ATP6V1C1: variants seen among roughly 807,000 people sequenced by gnomAD.
ATP6V1C1 encodes V-type proton ATPase subunit C 1.
ATP6V1C1 carries 45 observed loss-of-function variants against 53.9 expected under a neutral mutation model. The observed-to-expected ratio is 0.83, with a 90% confidence interval of 0.66 to 1.07. The LOEUF is 1.07. Among genes scored for constraint, ATP6V1C1 ranks in the 50% least tolerant of loss-of-function variants. ATP6V1C1 has a pLI of 0.00. For missense variants in ATP6V1C1, 315 were observed against 440.3 expected (o/e 0.72, Z 2.55); for synonymous variants, 153 against 155.2 (o/e 0.99, Z 0.11).
chr8:103,059,896 ACCCACACACC>A (rs1398454186), intron 8 of ATP6V1C1, among the ~76,000 whole-genome samples: 8 of 8,900 alleles, frequency 9.0e-4, no homozygotes, highest in African/African-American at 3.3e-3. Context: ...ACACACACAC[ACCCACACACC>A]CACACACCCT....
At chr8:103,039,067 A>G (rs560401744) in intron 1 of ATP6V1C1, among the ~76,000 whole-genome samples, 144 of 152,132 alleles carry the variant, frequency 9.5e-4, no homozygotes, top group Non-Finnish European at 1.7e-3. Context: ...CTTTTTTAAA[A>G]TTTTTTTTCT....
chr8:103,029,377 C>G (rs987040633), intron 1 of ATP6V1C1, among the ~76,000 whole-genome samples: 1 of 151,664 alleles, frequency 6.6e-6, no homozygotes, highest in Non-Finnish European at 1.5e-5. Context: ...TCAAGCGATT[C>G]TCTTGCCTCA....
chr8:103,052,893 G>A lies in ATP6V1C1; in HGVS notation c.473+71G>A, dbSNP rs1054457041. 7 of 942,150 alleles carry A rather than the reference G, an allele frequency of 7.4e-6. No individual in the cohort carries two copies. In the African/African-American group the frequency reaches 1.0e-4, roughly 14 times the overall value. The allele number at this position is 942,150 out of a possible 1,614,324, so 58.4% of individuals were successfully genotyped here. A position where few individuals can be genotyped will look rare whatever the true frequency, so the allele number is the denominator to read the frequency against. ...ACTAGCATGCACCGAAGGAGATATT[G>A]TTGGGATTTAGTTAGTTTCAGTTTA... On this transcript the variant is annotated intron_variant, in intron 6 of 12. Transcript: ENST00000518738.
At chr8:103,066,575 T>A in intron 12 of ATP6V1C1, 128 bp downstream of exon 12, 1 of 1,038,690 alleles carries the variant, frequency 9.6e-7, no homozygotes, top group Non-Finnish European at 1.3e-6. Flanking sequence ...TTTGAGGTTC[T>A]CAATTTGTTA....
intron 11 of ATP6V1C1, 121 bp downstream of exon 11, chr8:103,064,932 C>T (rs537505886): frequency 2.6e-6 from 2 of 778,158 alleles, no homozygotes; most frequent in African/African-American, 3.5e-5. Context: ...AAGGGCCAAT[C>T]ATGAGACAGA....
Position 103,048,926 on chromosome 8 carries a change from AAGTT to A in ATP6V1C1, c.258_261del (p.Lys86AsnfsTer16), listed in dbSNP as rs767285380. The A allele has an allele frequency of 6.2e-7, 1 of 1,613,402 alleles. No homozygotes were observed. The highest frequency in any genetic ancestry group is 8.5e-7 in the Non-Finnish European group (1 of 1,179,662). ...GATGTATTGGAAGATAGCAAAGACA[AAGTT>A]CAAGAGAATCTGTTGGCTAATGGAG... On this transcript the variant is annotated frameshift_variant, in exon 4 of 13. Transcript: ENST00000518738. LOFTEE classifies it high-confidence loss of function.
At chr8:103,025,011 A>G (rs1437789088) in intron 1 of ATP6V1C1, among the ~76,000 whole-genome samples, 1 of 152,116 alleles carries the variant, frequency 6.6e-6, no homozygotes, top group African/African-American at 2.4e-5. Flanking sequence ...CATCGGGGAT[A>G]AAAGAGTATT....
intron 10 of ATP6V1C1, 139 bp downstream of exon 10, chr8:103,063,367 T>A: frequency 1.7e-6 from 1 of 589,532 alleles, no homozygotes; most frequent in Non-Finnish European, 2.9e-6. Flanking sequence ...AATTGAATAA[T>A]CAGAATGAAT....
At chr8:103,065,973 C>A (rs768491866) in intron 11 of ATP6V1C1, among the ~76,000 whole-genome samples, 1 of 151,700 alleles carries the variant, frequency 6.6e-6, no homozygotes, top group Non-Finnish European at 1.5e-5. Flanking sequence ...ACCCAGGAGG[C>A]GGAGATTGCA....
rs900410834 is a variant in ATP6V1C1, at chr8:103,068,819, C to A, written c.*72C>A. The A allele has an allele frequency of 1.5e-6, 2 of 1,355,154 alleles. No individual in the cohort carries two copies. The highest frequency in any genetic ancestry group is 2.6e-5 in the South Asian group (2 of 76,436). The allele number at this position is 1,355,154 out of a possible 1,614,324, so 83.9% of individuals were successfully genotyped here. A position where few individuals can be genotyped will look rare whatever the true frequency, so the allele number is the denominator to read the frequency against. ...TAACAGAAATAAGTTGCAGTATGGT[C>A]GTACTTTTAACTCTAGTATCCTTTG... On this transcript the variant is annotated 3_prime_UTR_variant, in exon 13 of 13. Transcript: ENST00000518738.
At chr8:103,043,195 C>T (rs1388702150) in intron 3 of ATP6V1C1, among the ~76,000 whole-genome samples, 1 of 152,122 alleles carries the variant, frequency 6.6e-6, no homozygotes, top group Non-Finnish European at 1.5e-5. Flanking sequence ...GTGGCTGTAC[C>T]GTGTAATATT....
chr8:103,068,510 AT>A (rs1379798061), intron 12 of ATP6V1C1, 141 bp from the exon 13 acceptor site: 3 of 510,134 alleles, frequency 5.9e-6, no homozygotes, highest in Non-Finnish European at 9.8e-6. Flanking sequence ...AATGGGAATA[AT>A]GTCTAACTCA....
At chr8:103,047,785 A>G (rs549233090) in intron 3 of ATP6V1C1, among the ~76,000 whole-genome samples, 1 of 152,170 alleles carries the variant, frequency 6.6e-6, no homozygotes, top group Non-Finnish European at 1.5e-5. Flanking sequence ...CTTTCTTCCC[A>G]TGTAATCATC....
At chr8:103,065,278 C>T (rs976640114) in intron 11 of ATP6V1C1, among the ~76,000 whole-genome samples, 3 of 152,160 alleles carry the variant, frequency 2.0e-5, no homozygotes, top group Non-Finnish European at 4.4e-5. Flanking sequence ...AAAACTTGGC[C>T]GGGTGCAGTG....
At position 103,043,323 on chromosome 8, in the gene ATP6V1C1, G is replaced by GT. The variant is rs926997500; in HGVS notation, c.200+924dup. On this transcript the variant is annotated intron_variant, in intron 3 of 12. Transcript: ENST00000518738. ...CCAGGGGGTATGAGATAATATCTTT[G>GT]TTTTTTTTGTTTTTTTTGAGACGGA... 1.9e-4 allele frequency among the ~76,000 whole-genome samples: 16 copies of GT among 83,974 alleles called. No homozygotes were observed. In the East Asian group the frequency reaches 2.1e-3, roughly 11 times the overall value. The allele number at this position is 83,974 out of a possible 152,430, so 55.1% of individuals were successfully genotyped here. A position where few individuals can be genotyped will look rare whatever the true frequency, so the allele number is the denominator to read the frequency against.
chr8:103,025,923 G>A (rs146840891), intron 1 of ATP6V1C1, among the ~76,000 whole-genome samples: 143 of 152,320 alleles, frequency 9.4e-4, no homozygotes, highest in African/African-American at 2.8e-3. Context: ...TTGTATTGGA[G>A]ATATCAGCAC....
In ATP6V1C1 at chr8:103,070,574, G is replaced by C. The variant is rs927250219; in HGVS notation, c.*1827G>C. ...GGCGCTACTCTCTCTATCATGGGGG[G>C]GCATGTTTTGACATTAAATTGACTT... On this transcript the variant is annotated 3_prime_UTR_variant, in exon 13 of 13. Coordinates refer to ENST00000518738, the MANE Select transcript of ATP6V1C1 (RefSeq NM_001695.5). 17 of 152,054 alleles carry C rather than the reference G, an allele frequency of 1.1e-4. No individual in the cohort carries two copies. Among genetic ancestry groups the C allele is most frequent in the African/African-American group, 4.1e-4 (17 of 41,398 alleles). 9.4% of individuals were successfully genotyped at this position (152,054 alleles called of 1,614,324 possible). A position where few individuals can be genotyped will look rare whatever the true frequency, so the allele number is the denominator to read the frequency against.
At chr8:103,061,636 A>C (rs1259140739) in intron 8 of ATP6V1C1, among the ~76,000 whole-genome samples, 1 of 152,208 alleles carries the variant, frequency 6.6e-6, no homozygotes, top group African/African-American at 2.4e-5. Context: ...TGATGGTTTC[A>C]TGGGTATATG....
chr8:103,062,433 G>C (rs148117432), intron 8 of ATP6V1C1, among the ~76,000 whole-genome samples: 72 of 152,162 alleles, frequency 4.7e-4, no homozygotes, highest in African/African-American at 1.6e-3. Flanking sequence ...GCCTGCCAAA[G>C]TGTTGGGATT....
Sources: allele counts gnomAD v4.1 joint callset (sites outside exome capture counted in the v4.1 genomes callset), GRCh38; gene constraint gnomAD v4.1.1; transcripts MANE v1.5; gene names NCBI Gene and HGNC (gene_info 2026-07-23, HGNC 2026-07-21).